Variants in SPTLC3 observed in about 807,000 individuals in gnomAD.
The protein encoded by SPTLC3 is serine palmitoyltransferase 3.
In SPTLC3, 36 loss-of-function variants were observed where a neutral mutation model predicts 59.3. The ratio of observed to expected loss-of-function variants is 0.61; its 90% CI spans 0.47 to 0.80. The LOEUF (loss-of-function observed/expected upper bound fraction) is 0.80, where lower values mean the gene tolerates loss of function less well. Among genes scored for constraint, SPTLC3 ranks in the 30% least tolerant of loss-of-function variants. The probability of loss-of-function intolerance (pLI) is 0.00; values close to 1 mark genes in which losing one functional copy is unlikely to be tolerated. For synonymous variants in SPTLC3, 257 were observed against 240.8 expected, an observed-to-expected ratio of 1.07 and a Z score of -0.62; for missense variants, 625 against 685.1, an observed-to-expected ratio of 0.91 and a Z score of 0.98.
At chr20:13,032,189 G>A (rs144968119) in intron 1 of SPTLC3, among the ~76,000 whole-genome samples, 2 of 152,316 alleles carry the variant, frequency 1.3e-5, no homozygotes, top group East Asian at 3.9e-4. Flanking sequence ...AAAGCTCTGT[G>A]TTCCTCAAGT....
At chr20:13,036,530 CA>C (rs1364068488) in intron 1 of SPTLC3, among the ~76,000 whole-genome samples, 1 of 152,118 alleles carries the variant, frequency 6.6e-6, no homozygotes, top group Non-Finnish European at 1.5e-5. Context: ...ATATAAATAA[CA>C]TACAAAATAT....
intron 1 of SPTLC3, among the ~76,000 whole-genome samples, chr20:13,048,216 C>A (rs1455382696): frequency 2.0e-5 from 3 of 152,112 alleles, no homozygotes; most frequent in Non-Finnish European, 2.9e-5. Context: ...TACATATGGT[C>A]CACATTTGGA....
chr20:13,135,159 G>A (rs1315020375), intron 9 of SPTLC3, among the ~76,000 whole-genome samples: 1 of 152,164 alleles, frequency 6.6e-6, no homozygotes, highest in African/African-American at 2.4e-5. Context: ...GATAAATAGG[G>A]TAGCATTTAT....
chr20:13,031,410 T>C (rs1422347693), intron 1 of SPTLC3, among the ~76,000 whole-genome samples: 1 of 152,186 alleles, frequency 6.6e-6, no homozygotes, highest in African/African-American at 2.4e-5. Context: ...TCTGTCCCTC[T>C]TGCTCACACC....
chr20:13,011,196 C>G (rs1005278176), intron 1 of SPTLC3, among the ~76,000 whole-genome samples: 2 of 152,148 alleles, frequency 1.3e-5, no homozygotes, highest in Non-Finnish European at 2.9e-5. Flanking sequence ...GGCTTATTGT[C>G]CCCTCCATGA....
At chr20:13,111,806 TC>T (rs1990248922) in intron 7 of SPTLC3, among the ~76,000 whole-genome samples, 1 of 152,180 alleles carries the variant, frequency 6.6e-6, no homozygotes, top group African/African-American at 2.4e-5. Context: ...AGAACTTGGC[TC>T]CAGTAAATGA....
In SPTLC3 at chr20:13,160,067, C is replaced by T; in HGVS notation, c.1480C>T (p.Pro494Ser). Reference sequence around the variant, plus strand: ...GGTGGTCGTGGGATTTCCAGCCACTCCCCTCGCAGAAGCTCGGGCTCGGTT... The same window carrying T: ...GGTGGTCGTGGGATTTCCAGCCACTTCCCTCGCAGAAGCTCGGGCTCGGTT... Reference protein sequence around the residue: ...GVVVVGFPATPLAEARARFCV... With the variant: ...GVVVVGFPATSLAEARARFCV... Residue 494 changes from proline to serine, a missense_variant, in exon 11 of 12, where the codon CCC (proline) becomes TCC (serine). By Grantham distance (74) the Pro-to-Ser change is moderately conservative. Transcript: ENST00000399002. The T allele has an allele frequency of 6.2e-7, 1 of 1,613,698 alleles. No individual in the cohort carries two copies. The highest frequency in any genetic ancestry group is 8.5e-7 in the Non-Finnish European group (1 of 1,179,844).
chr20:13,073,684 A>C, intron 3 of SPTLC3: 1 of 374,544 alleles, frequency 2.7e-6, no homozygotes, highest in African/African-American at 2.1e-5. Flanking sequence ...GTGACTGCTT[A>C]TCTGCTTGTT....
intron 6 of SPTLC3, among the ~76,000 whole-genome samples, chr20:13,103,379 GA>G (rs1306651020): frequency 1.3e-5 from 2 of 152,168 alleles, no homozygotes; most frequent in African/African-American, 4.8e-5. Flanking sequence ...GCTGAATCTT[GA>G]AGGATGAAAC....
At chr20:13,128,608 G>C (rs2038047558) in intron 9 of SPTLC3, among the ~76,000 whole-genome samples, 1 of 152,116 alleles carries the variant, frequency 6.6e-6, no homozygotes, top group South Asian at 2.1e-4. Context: ...CCTGAAAAGA[G>C]GTAGGGGTAA....
chr20:13,016,500 A>G (rs756775558), intron 1 of SPTLC3, among the ~76,000 whole-genome samples: 193 of 152,152 alleles, frequency 1.3e-3, no homozygotes, highest in Non-Finnish European at 2.6e-3. Context: ...AACATAAATA[A>G]CTTACCCCAA....
At chr20:13,101,305 C>G (rs1989591814) in intron 6 of SPTLC3, among the ~76,000 whole-genome samples, 1 of 152,180 alleles carries the variant, frequency 6.6e-6, no homozygotes, top group Admixed American at 6.5e-5. Flanking sequence ...GTGCACAGCA[C>G]TTGTTAACAC....
intron 9 of SPTLC3, among the ~76,000 whole-genome samples, chr20:13,144,760 TG>T (rs2038467478): frequency 2.6e-5 from 4 of 152,034 alleles, no homozygotes; most frequent in Non-Finnish European, 5.9e-5. Flanking sequence ...ACTATGTGTG[TG>T]TGTGTGTATA....
intron 8 of SPTLC3, among the ~76,000 whole-genome samples, chr20:13,118,322 T>C (rs143452120): frequency 1.2e-3 from 178 of 152,078 alleles, no homozygotes; most frequent in African/African-American, 4.0e-3. Context: ...GCATACACCA[T>C]AGGTCAAATC....
At chr20:13,053,053 G>A (rs1305481712) in intron 2 of SPTLC3, among the ~76,000 whole-genome samples, 1 of 152,210 alleles carries the variant, frequency 6.6e-6, no homozygotes, top group Non-Finnish European at 1.5e-5. Context: ...CTAAAGGACA[G>A]ACTGGCTCCT....
chr20:13,132,052 G>A (rs6033623), intron 9 of SPTLC3, among the ~76,000 whole-genome samples: 76,775 of 151,668 alleles, frequency 0.51, 19,787 homozygotes, highest in East Asian at 0.63. Context: ...CTGACCTATC[G>A]GCATAGCCCA....
chr20:13,024,013 T>A (rs568353699), intron 1 of SPTLC3, among the ~76,000 whole-genome samples: 1 of 152,286 alleles, frequency 6.6e-6, no homozygotes, highest in African/African-American at 2.4e-5. Context: ...TTCCTATGAA[T>A]GACCCATATA....
intron 9 of SPTLC3, among the ~76,000 whole-genome samples, chr20:13,152,700 T>C (rs1219033111): frequency 6.6e-6 from 1 of 152,172 alleles, no homozygotes; most frequent in Admixed American, 6.5e-5. Flanking sequence ...TTCCAACTGA[T>C]TAAGACTGGC....
chr20:13,083,359 C>T (rs1166984858), intron 4 of SPTLC3, among the ~76,000 whole-genome samples: 1 of 152,132 alleles, frequency 6.6e-6, no homozygotes, highest in Admixed American at 6.5e-5. Flanking sequence ...AGAATAAACT[C>T]TCCTAATGAA....
Sources: allele counts gnomAD v4.1 joint callset (sites outside exome capture counted in the v4.1 genomes callset), GRCh38; gene constraint gnomAD v4.1.1; transcripts MANE v1.5; gene names NCBI Gene and HGNC (gene_info 2026-07-23, HGNC 2026-07-21).